The following RAB11FIP3 variants were observed in gnomAD, a reference collection of about 807,000 sequenced individuals.
The protein encoded by RAB11FIP3 is rab11 family-interacting protein 3.
A neutral mutation model predicts 77.8 loss-of-function variants in RAB11FIP3; 17 were observed. That is an observed-to-expected ratio of 0.22 (90% CI 0.15 to 0.33). The LOEUF is 0.33. Among genes scored for constraint, RAB11FIP3 ranks in the 10% least tolerant of loss-of-function variants. RAB11FIP3 has a pLI of 1.00. For synonymous variants in RAB11FIP3, 437 were observed against 448.2 expected, an observed-to-expected ratio of 0.98 and a Z score of 0.31; for missense variants, 1,005 against 1,011.2, an observed-to-expected ratio of 0.99 and a Z score of 0.08.
At chr16:478,184 ACTGT>A (rs1325344960) in intron 3 of RAB11FIP3, among the ~76,000 whole-genome samples, 1 of 147,110 alleles carries the variant, frequency 6.8e-6, no homozygotes, top group East Asian at 2.0e-4. Context: ...GTCTTAGCAC[ACTGT>A]CTACTTCTTT....
At chr16:452,148 TA>T (rs1194910284) in intron 1 of RAB11FIP3, among the ~76,000 whole-genome samples, 4 of 150,844 alleles carry the variant, frequency 2.7e-5, no homozygotes, top group African/African-American at 9.8e-5. Context: ...TGAAACTCCT[TA>T]AAAAAATAAA....
rs76332663 is a variant in RAB11FIP3, at chr16:484,271, T to C, written c.1115+1535T>C. ...ACAGCAGCCAGCTCTCCACCGGCCCTGCATCTTCCTTAAGTTCCCCCACAC... is the reference window on the plus strand; with the variant it reads ...ACAGCAGCCAGCTCTCCACCGGCCCCGCATCTTCCTTAAGTTCCCCCACAC... On this transcript the variant is annotated intron_variant, in intron 4 of 13. Coordinates refer to ENST00000262305, the MANE Select transcript of RAB11FIP3 (RefSeq NM_014700.4). 1.3e-3 allele frequency among the ~76,000 whole-genome samples: 194 copies of C among 152,196 alleles called. 2 individuals carry two copies. The East Asian group carries it at 0.036, about 29-fold the overall frequency.
intron 3 of RAB11FIP3, among the ~76,000 whole-genome samples, chr16:481,231 G>A (rs2056035305): frequency 2.0e-5 from 3 of 151,936 alleles, no homozygotes; most frequent in African/African-American, 7.3e-5. Flanking sequence ...GGTCCTCCTG[G>A]CTGGCGCTGT....
intron 5 of RAB11FIP3, among the ~76,000 whole-genome samples, chr16:492,103 G>C (rs1041549546): frequency 6.6e-6 from 1 of 152,238 alleles, no homozygotes; most frequent in Non-Finnish European, 1.5e-5. Flanking sequence ...GCCCCAGGGG[G>C]CTTCTGCCGA....
At chr16:458,370 G>T (rs1173874295) in intron 1 of RAB11FIP3, among the ~76,000 whole-genome samples, 4 of 152,124 alleles carry the variant, frequency 2.6e-5, no homozygotes, top group Non-Finnish European at 5.9e-5. Context: ...AGCAGCCCCG[G>T]CATCTGGACT....
At chr16:480,102 C>T (rs1000120201) in intron 3 of RAB11FIP3, among the ~76,000 whole-genome samples, 2 of 151,916 alleles carry the variant, frequency 1.3e-5, no homozygotes, top group African/African-American at 4.8e-5. Flanking sequence ...GCCTGGCCAA[C>T]GTGGTGAAAC....
intron 3 of RAB11FIP3, among the ~76,000 whole-genome samples, chr16:475,849 A>AT (rs1349126670): frequency 1.3e-5 from 2 of 151,700 alleles, no homozygotes; most frequent in African/African-American, 4.9e-5. Context: ...GGCTTACTTT[A>AT]TTTTTTATTT....
intron 5 of RAB11FIP3, chr16:491,363 A>G (rs2030169328): frequency 8.3e-7 from 1 of 1,209,286 alleles, no homozygotes; most frequent in Non-Finnish European, 1.1e-6. Context: ...CGAGGCGACC[A>G]GGAGCCTCTC....
chr16:475,221 G>C, intron 3 of RAB11FIP3: 2 of 1,173,570 alleles, frequency 1.7e-6, no homozygotes, highest in Non-Finnish European at 2.2e-6. Context: ...TGATGGCCCT[G>C]AACGGGCTTT....
chr16:492,187 C>A (rs1246962537), intron 5 of RAB11FIP3, among the ~76,000 whole-genome samples: 1 of 152,214 alleles, frequency 6.6e-6, no homozygotes, highest in Non-Finnish European at 1.5e-5. Context: ...AGTTCCATTT[C>A]CAGGGCACTT....
At chr16:513,791 A>T (rs2032288536) in intron 9 of RAB11FIP3, among the ~76,000 whole-genome samples, 1 of 152,148 alleles carries the variant, frequency 6.6e-6, no homozygotes, top group African/African-American at 2.4e-5. Context: ...GCTGTGCGGG[A>T]CGCCCCACAC....
chr16:452,921 AT>A (rs2055432909), intron 1 of RAB11FIP3, among the ~76,000 whole-genome samples: 2 of 60,492 alleles, frequency 3.3e-5, no homozygotes, highest in Admixed American at 1.6e-4. Context: ...CGCCCGGCTA[AT>A]TTTTTGTATT....
chr16:518,840 G>T, intron 9 of RAB11FIP3, 103 bp from the exon 10 acceptor site: 1 of 1,202,446 alleles, frequency 8.3e-7, no homozygotes. Flanking sequence ...GCGTCTGTTG[G>T]TCACAGGGCG....
chr16:516,945 C>T (rs9929140), intron 9 of RAB11FIP3, among the ~76,000 whole-genome samples: 23,688 of 152,170 alleles, frequency 0.16, 3,906 homozygotes, highest in African/African-American at 0.41. Context: ...CTCCAGGAGG[C>T]GGGGGCTGGA....
rs913511484 is a variant in RAB11FIP3, at chr16:426,178, C to G, written c.172C>G (p.Pro58Ala). The stretch of plus-strand genomic sequence containing the variant: ...CCCGCAGTCCCCGGGCCTGGATGAG[C>G]CTGCGCCCGGGGCCGCTGCAGATGG... ...PDPQSPGLDE[P>A]APGAAADGGA... The change falls in exon 1 of 14, where the codon CCT (proline) becomes GCT (alanine). Residue 58 changes from proline (P) to alanine (A), a missense_variant. Physicochemically the swap from Pro to Ala is conservative, Grantham distance 27. This residue lies in a region of RAB11FIP3 where 466 missense variants were observed against 408.3 expected (regional missense o/e 1.14). Transcript: ENST00000262305. The surrounding 1 kb of genome is among the most constrained non-coding windows in gnomAD (Gnocchi z 5.0). The G allele has an allele frequency of 2.0e-6, 2 of 1,016,298 alleles. No individual in the cohort carries two copies. Among genetic ancestry groups the G allele is most frequent in the Admixed American group, 5.9e-5 (1 of 17,072 alleles). 63.0% of individuals were successfully genotyped at this position (1,016,298 alleles called of 1,614,324 possible).
At chr16:486,631 G>A (rs6600222) in intron 4 of RAB11FIP3, among the ~76,000 whole-genome samples, 21,670 of 152,208 alleles carry the variant, frequency 0.14, 2,146 homozygotes, top group African/African-American at 0.28. Flanking sequence ...GGTGCAGACC[G>A]TCCGGTTCAT....
intron 7 of RAB11FIP3, among the ~76,000 whole-genome samples, chr16:504,968 C>T (rs989242517): frequency 7.6e-6 from 1 of 131,492 alleles, no homozygotes; most frequent in South Asian, 2.7e-4. Context: ...TCCTCCTGTA[C>T]TTCACCTCCT....
intron 6 of RAB11FIP3, among the ~76,000 whole-genome samples, chr16:498,381 C>G (rs2031294455): frequency 6.6e-6 from 1 of 152,182 alleles, no homozygotes; most frequent in Admixed American, 6.5e-5. Context: ...CACTACGTTG[C>G]CCAGACTGAT....
At chr16:509,608 C>T (rs2032034753) in intron 8 of RAB11FIP3, among the ~76,000 whole-genome samples, 1 of 152,166 alleles carries the variant, frequency 6.6e-6, no homozygotes, top group Non-Finnish European at 1.5e-5. Context: ...TCAGGAAGGC[C>T]AGGGTCTCCC....
Sources: gnomAD v4.1 joint callset for allele counts (sites outside exome capture counted in the v4.1 genomes callset) on GRCh38, gnomAD v4.1.1 for gene constraint, gnomAD v4.1.1 regional missense constraint, Gnocchi (gnomAD v3.1) non-coding constraint, MANE v1.5 for transcripts, NCBI Gene and HGNC (gene_info 2026-07-23, HGNC 2026-07-21) for gene names.